Variants in ARHGEF33 observed in about 807,000 individuals in gnomAD.
ARHGEF33 encodes the protein DH and coiled-coil domain-containing protein ENSP00000381780.
A neutral mutation model predicts 101.9 loss-of-function variants in ARHGEF33; 72 were observed. That is an observed-to-expected ratio of 0.71 (90% CI 0.58 to 0.86). The LOEUF (loss-of-function observed/expected upper bound fraction) is 0.86. Ranked by LOEUF, ARHGEF33 falls within the 40% of genes least tolerant of loss-of-function variation. The probability of loss-of-function intolerance (pLI) is 0.00; values close to 1 mark genes in which losing one functional copy is unlikely to be tolerated. For missense variants in ARHGEF33, 1,169 were observed against 1,111.3 expected (o/e 1.05, Z -0.74); for synonymous variants, 499 against 442.5 (o/e 1.13, Z -1.60).
At chr2:38,893,914 A>G (rs1247199324) in intron 1 of ARHGEF33, among the ~76,000 whole-genome samples, 1 of 152,208 alleles carries the variant, frequency 6.6e-6, no homozygotes, top group Non-Finnish European at 1.5e-5. Context: ...ATAGGGCACA[A>G]ACAAGGGCTG....
intron 13 of ARHGEF33, 149 bp from the exon 14 acceptor site, chr2:38,956,749 CG>C: frequency 1.1e-6 from 1 of 929,272 alleles, no homozygotes; most frequent in Non-Finnish European, 1.6e-6. Context: ...GACCTTTCAG[CG>C]TATAATTAGA....
intron 2 of ARHGEF33, among the ~76,000 whole-genome samples, chr2:38,917,109 T>TTTTTTTTTTTTTTTTGG (rs1553341360): frequency 6.7e-6 from 1 of 149,226 alleles, no homozygotes; most frequent in Non-Finnish European, 1.5e-5. Context: ...CTTCTTTTTT[T>TTTTTTTTTTTTTTTTGG]GAGACGGAGT....
At position 38,929,814 on chromosome 2, in the gene ARHGEF33, C is replaced by G. The variant is rs1342062722; in HGVS notation, c.346C>G (p.Arg116Gly). Residue 116 changes from arginine (R) to glycine (G), a missense_variant, in exon 6 of 18, where the codon CGA (arginine) becomes GGA (glycine). Physicochemically the swap from Arg to Gly is moderately radical, Grantham distance 125 (BLOSUM62 -2). Transcript: ENST00000409978. ...QLQQEKRRESRKVKAKKTQKE... is the reference protein window; with the variant it reads ...QLQQEKRRESGKVKAKKTQKE... ...TCAACAGGAGAAGCGAAGAGAATCT[C>G]GAAAAGTTAAAGCCAAGTGAGTGTC... is the stretch of plus-strand genomic sequence containing the variant. The G allele has an allele frequency of 6.4e-7, 1 of 1,551,080 alleles. No homozygotes were observed. The highest frequency in any genetic ancestry group is 8.7e-7 in the Non-Finnish European group (1 of 1,146,686).
intron 14 of ARHGEF33, 108 bp downstream of exon 14, chr2:38,957,155 T>C: frequency 8.1e-6 from 11 of 1,357,632 alleles, no homozygotes; most frequent in Non-Finnish European, 1.1e-5. Context: ...TGGTGGGAGG[T>C]AGAAGGAAAG....
Position 38,960,095 on chromosome 2 carries a change from C to G in ARHGEF33, c.1790C>G (p.Ala597Gly). 6.5e-7 allele frequency: 1 copy of G among 1,542,126 alleles called. No homozygotes were observed. Among genetic ancestry groups the G allele is most frequent in the Non-Finnish European group, 8.7e-7 (1 of 1,144,838 alleles). The change falls in exon 16 of 18, where the codon GCC becomes GGC. Residue 597 changes from alanine (A) to glycine (G), a missense_variant. By Grantham distance (60) the Ala-to-Gly change is moderately conservative (BLOSUM62 0). Coordinates refer to ENST00000409978, the MANE Select transcript of ARHGEF33 (RefSeq NM_001145451.5). Reference protein sequence around the residue: ...PLGNVERSLRAPAELLPDARG... With the variant: ...PLGNVERSLRGPAELLPDARG... The stretch of plus-strand genomic sequence containing the variant: ...GGCAACGTGGAGCGCTCCCTGCGCG[C>G]CCCGGCCGAGCTCCTGCCCGATGCC...
At chr2:38,950,483 G>A (rs1297508346) in intron 10 of ARHGEF33, among the ~76,000 whole-genome samples, 9 of 151,956 alleles carry the variant, frequency 5.9e-5, no homozygotes, top group African/African-American at 1.9e-4. Flanking sequence ...ACAGAGTCTC[G>A]CTTTGTTACC....
chr2:38,966,272 C>T, intron 17 of ARHGEF33, 127 bp downstream of exon 17: 1 of 1,229,540 alleles, frequency 8.1e-7, no homozygotes, highest in Non-Finnish European at 1.1e-6. Context: ...GTGCCTGCAC[C>T]CAGTAGCCAC....
At chr2:38,937,781 C>CT (rs1451909397) in intron 9 of ARHGEF33, among the ~76,000 whole-genome samples, 14 of 152,262 alleles carry the variant, frequency 9.2e-5, no homozygotes, top group Non-Finnish European at 1.8e-4. Flanking sequence ...GTTCAAGACA[C>CT]TTAGTAATGG....
At chr2:38,962,319 A>G (rs1667961031) in intron 16 of ARHGEF33, among the ~76,000 whole-genome samples, 1 of 152,216 alleles carries the variant, frequency 6.6e-6, no homozygotes, top group South Asian at 2.1e-4. Context: ...TATAGTCTGT[A>G]CTGTAAAGAA....
intron 2 of ARHGEF33, among the ~76,000 whole-genome samples, chr2:38,909,513 A>AT (rs1234473205): frequency 5.6e-5 from 4 of 71,934 alleles, no homozygotes; most frequent in Non-Finnish European, 8.9e-5. Flanking sequence ...TTTTTTTTGT[A>AT]TTTTTTGTAG....
At chr2:38,896,430 G>T (rs537365379) in intron 2 of ARHGEF33, among the ~76,000 whole-genome samples, 4 of 152,134 alleles carry the variant, frequency 2.6e-5, no homozygotes, top group Non-Finnish European at 5.9e-5. Flanking sequence ...GAGCCACTGC[G>T]CTCAGCCATA....
chr2:38,938,432 G>A (rs1409798707), intron 9 of ARHGEF33, among the ~76,000 whole-genome samples: 2 of 152,180 alleles, frequency 1.3e-5, no homozygotes, highest in Admixed American at 6.5e-5. Context: ...TCCGCTACAT[G>A]GGAGTCCAAG....
chr2:38,899,005 G>A lies in ARHGEF33; in HGVS notation c.-86+3156G>A, dbSNP rs1666182260. On this transcript the variant is annotated intron_variant, in intron 2 of 17. Coordinates refer to ENST00000409978, the MANE Select transcript of ARHGEF33 (RefSeq NM_001145451.5). ...GGGTGAAGTAGCATTGATTTTTCCA[G>A]TTTGCCTTTTCTAACTCATTAATTT... 2.0e-5 allele frequency among the ~76,000 whole-genome samples: 3 copies of A among 151,998 alleles called. No homozygotes were observed. The South Asian group carries it at 6.2e-4, about 32-fold the overall frequency.
chr2:38,909,706 ATT>A (rs71813216), intron 2 of ARHGEF33, among the ~76,000 whole-genome samples: 6,767 of 111,852 alleles, frequency 0.06, 166 homozygotes, highest in Non-Finnish European at 0.071. Context: ...TTCAAGGATG[ATT>A]TTTTTTTTTT....
intron 3 of ARHGEF33, 121 bp downstream of exon 3, chr2:38,919,593 AT>A (rs1343483018): frequency 9.7e-7 from 1 of 1,032,058 alleles, no homozygotes; most frequent in Non-Finnish European, 1.5e-6. Context: ...CCCTATCATC[AT>A]ATAATGACTA....
chr2:38,895,121 C>T (rs1666091509), intron 1 of ARHGEF33, among the ~76,000 whole-genome samples: 2 of 152,202 alleles, frequency 1.3e-5, no homozygotes, highest in South Asian at 4.1e-4. Context: ...CTTCGTGTCC[C>T]TGAATCTTCA....
At chr2:38,905,434 T>C (rs996613451) in intron 2 of ARHGEF33, among the ~76,000 whole-genome samples, 1 of 152,300 alleles carries the variant, frequency 6.6e-6, no homozygotes, top group East Asian at 1.9e-4. Context: ...CTGAGTGATA[T>C]TTGGAATTAC....
intron 16 of ARHGEF33, among the ~76,000 whole-genome samples, chr2:38,962,982 TCACTG>T (rs1357327686): frequency 7.4e-6 from 1 of 134,638 alleles, no homozygotes; most frequent in African/African-American, 2.9e-5. Flanking sequence ...CGAGATCGCA[TCACTG>T]CACTCCAGCC....
intron 13 of ARHGEF33, among the ~76,000 whole-genome samples, chr2:38,956,239 C>G (rs960460097): frequency 6.6e-6 from 1 of 152,070 alleles, no homozygotes; most frequent in African/African-American, 2.4e-5. Flanking sequence ...TCAAATCTTG[C>G]CTCCATTATT....
Sources: allele counts gnomAD v4.1 joint callset (sites outside exome capture counted in the v4.1 genomes callset), GRCh38; gene constraint gnomAD v4.1.1; transcripts MANE v1.5; gene names NCBI Gene and HGNC (gene_info 2026-07-23, HGNC 2026-07-21).